ADGRV1: variants seen among roughly 807,000 people sequenced by gnomAD.
The protein encoded by ADGRV1 is adhesion G protein-coupled receptor V1.
ADGRV1 carries 359 observed loss-of-function variants against 596.2 expected under a neutral mutation model. That is an observed-to-expected ratio of 0.60 (90% confidence interval 0.55 to 0.66). The LOEUF is 0.66. Ranked by LOEUF, ADGRV1 falls within the 30% of genes least tolerant of loss-of-function variation. ADGRV1 has a pLI of 0.00. For synonymous variants in ADGRV1, 2,681 were observed against 2,679.2 expected (o/e 1.00, Z -0.02); for missense variants, 7,274 against 7,575.6 (o/e 0.96, Z 1.48).
chr5:90,589,801 A>G (rs980986832), intron 1 of ADGRV1, among the ~76,000 whole-genome samples: 1 of 152,196 alleles, frequency 6.6e-6, no homozygotes, highest in Non-Finnish European at 1.5e-5. Flanking sequence ...TTTCAAAAAC[A>G]GCATCAGAAA....
chr5:91,026,352 T>C (rs920873076), intron 85 of ADGRV1, among the ~76,000 whole-genome samples: 9 of 152,218 alleles, frequency 5.9e-5, no homozygotes, highest in Admixed American at 5.9e-4. Context: ...CACTGCTTTA[T>C]TGCTTTGTAA....
At chr5:90,695,845 A>G (rs1408178724) in intron 33 of ADGRV1, among the ~76,000 whole-genome samples, 1 of 152,166 alleles carries the variant, frequency 6.6e-6, no homozygotes, top group East Asian at 1.9e-4. Context: ...TCTATTTCAA[A>G]AGGAATAATG....
chr5:90,660,414 A>C (rs543640790), intron 21 of ADGRV1, among the ~76,000 whole-genome samples: 8 of 152,190 alleles, frequency 5.3e-5, no homozygotes, highest in Non-Finnish European at 1.0e-4. Flanking sequence ...CTGTGCTTGT[A>C]ATTATCTTCT....
chr5:90,835,016 T>C (rs1764859817), intron 77 of ADGRV1, among the ~76,000 whole-genome samples: 1 of 151,848 alleles, frequency 6.6e-6, no homozygotes, highest in African/African-American at 2.4e-5. Context: ...TCCGTGAACA[T>C]GAAATATCTG....
At chr5:91,071,666 T>G (rs1183817850) in intron 85 of ADGRV1, among the ~76,000 whole-genome samples, 3 of 152,042 alleles carry the variant, frequency 2.0e-5, no homozygotes, top group Non-Finnish European at 1.5e-5. Context: ...TTTTATTTAT[T>G]TATTTTTATT....
intron 85 of ADGRV1, among the ~76,000 whole-genome samples, chr5:91,056,461 G>A (rs1395007604): frequency 6.6e-6 from 1 of 152,076 alleles, no homozygotes; most frequent in Non-Finnish European, 1.5e-5. Flanking sequence ...TTGAGAAATG[G>A]TTCATTGTTG....
chr5:90,803,219 T>C (rs1761567158), intron 71 of ADGRV1, among the ~76,000 whole-genome samples: 1 of 152,176 alleles, frequency 6.6e-6, no homozygotes, highest in African/African-American at 2.4e-5. Flanking sequence ...TGTTTAATAT[T>C]CAGACTTTGG....
chr5:90,978,172 G>C (rs766537871), intron 84 of ADGRV1, among the ~76,000 whole-genome samples: 27 of 152,100 alleles, frequency 1.8e-4, no homozygotes, highest in Non-Finnish European at 3.4e-4. Context: ...GCAGGCGCCT[G>C]TAGTCCCAGC....
At chr5:90,747,125 G>A (rs191382753) in intron 52 of ADGRV1, among the ~76,000 whole-genome samples, 343 of 152,240 alleles carry the variant, frequency 2.3e-3, no homozygotes, top group Non-Finnish European at 3.8e-3. Context: ...CTGTTTGGAG[G>A]AAATGACAGA....
chr5:90,703,539 C>T lies in ADGRV1; in HGVS notation c.8156-126C>T. On this transcript the variant is annotated intron_variant, in intron 34 of 89. Transcript: ENST00000405460. ...AGATTCTAGAAAATTCAAAACAAAA[C>T]AGCTTTGTAATGTTCTTGGGAAAGG... is the stretch of plus-strand genomic sequence containing the variant. The T allele has an allele frequency of 6.5e-6, 4 of 617,640 alleles. No individual in the cohort carries two copies. In the South Asian group the frequency reaches 9.8e-5, roughly 15 times the overall value. The allele number at this position is 617,640 out of a possible 1,614,324, so 38.3% of individuals were successfully genotyped here.
chr5:90,746,035 C>G (rs995729526), intron 52 of ADGRV1, among the ~76,000 whole-genome samples: 7 of 152,012 alleles, frequency 4.6e-5, no homozygotes, highest in Non-Finnish European at 8.8e-5. Flanking sequence ...TTTTCAGATT[C>G]CTTTTATAGG....
At chr5:90,803,651 C>A (rs1305675483) in intron 71 of ADGRV1, among the ~76,000 whole-genome samples, 4 of 152,122 alleles carry the variant, frequency 2.6e-5, no homozygotes, top group African/African-American at 9.7e-5. Context: ...GCCTGAGCAT[C>A]TTCTCCAAGG....
At chr5:91,120,903 A>G (rs118085084) in intron 87 of ADGRV1, among the ~76,000 whole-genome samples, 8,904 of 149,500 alleles carry the variant, frequency 0.06, 372 homozygotes, top group East Asian at 0.16. Flanking sequence ...GCCAGGCACT[A>G]TGGCTCACGC....
chr5:90,788,876 A>ACC (rs1489498426), intron 68 of ADGRV1, among the ~76,000 whole-genome samples: 2 of 151,774 alleles, frequency 1.3e-5, no homozygotes, highest in African/African-American at 4.8e-5. Flanking sequence ...ACACACACAC[A>ACC]CACACACACA....
chr5:90,832,090 T>G (rs1469129554), intron 77 of ADGRV1, among the ~76,000 whole-genome samples: 2 of 152,154 alleles, frequency 1.3e-5, no homozygotes, highest in African/African-American at 4.8e-5. Context: ...GGTATATCCC[T>G]AGGATTTCCT....
At chr5:90,605,486 C>T (rs1762005797) in intron 1 of ADGRV1, among the ~76,000 whole-genome samples, 1 of 151,116 alleles carries the variant, frequency 6.6e-6, no homozygotes. Flanking sequence ...TGCCCTGTTT[C>T]TGTTATGTAA....
intron 83 of ADGRV1, among the ~76,000 whole-genome samples, chr5:90,908,504 C>A (rs1018865654): frequency 5.9e-5 from 9 of 152,150 alleles, no homozygotes; most frequent in African/African-American, 2.2e-4. Flanking sequence ...TGACCACTTG[C>A]CAATATTTCC....
intron 1 of ADGRV1, among the ~76,000 whole-genome samples, chr5:90,579,920 C>G (rs1213712446): frequency 6.6e-6 from 1 of 152,088 alleles, no homozygotes; most frequent in Non-Finnish European, 1.5e-5. Flanking sequence ...TTATCAGAGA[C>G]TAGGATTGCA....
chr5:90,662,683 C>T lies in ADGRV1; in HGVS notation c.4752+4405C>T, dbSNP rs561657304. The stretch of plus-strand genomic sequence containing the variant: ...TGTGCAGGTTAGTTACATATGTATA[C>T]GTGTGCCATGCTGGTGCTCTGCACC... On this transcript the variant is annotated intron_variant, in intron 21 of 89. Transcript: ENST00000405460. 8.6e-5 allele frequency among the ~76,000 whole-genome samples: 13 copies of T among 150,936 alleles called. No homozygotes were observed. The South Asian group carries it at 1.3e-3, about 15-fold the overall frequency.
Sources: gnomAD v4.1 joint callset for allele counts (sites outside exome capture counted in the v4.1 genomes callset) on GRCh38, gnomAD v4.1.1 for gene constraint, MANE v1.5 for transcripts, NCBI Gene and HGNC (gene_info 2026-07-23, HGNC 2026-07-21) for gene names.